The following KCNH8 variants were observed in gnomAD, a reference collection of about 807,000 sequenced individuals.
The protein encoded by KCNH8 is voltage-gated delayed rectifier potassium channel KCNH8.
Under a neutral mutation model 103.6 loss-of-function variants are expected in KCNH8, and 70 were observed. The ratio of observed to expected loss-of-function variants is 0.68; its 90% CI spans 0.56 to 0.82. The LOEUF (loss-of-function observed/expected upper bound fraction) is 0.82, where lower values mean the gene tolerates loss of function less well. KCNH8 is among the 40% of genes least tolerant of loss of function. The pLI is 0.00. For missense variants in KCNH8, 1,217 were observed against 1,329.9 expected (o/e 0.92, Z 1.32); for synonymous variants, 498 against 489.4 (o/e 1.02, Z -0.23).
chr3:19,183,908 G>A (rs2063479347), intron 1 of KCNH8, among the ~76,000 whole-genome samples: 2 of 152,050 alleles, frequency 1.3e-5, no homozygotes. Flanking sequence ...TGGCCAGTGT[G>A]TTTTTAAAAG....
At chr3:19,494,057 T>G (rs2125226569) in intron 11 of KCNH8, among the ~76,000 whole-genome samples, 1 of 152,268 alleles carries the variant, frequency 6.6e-6, no homozygotes, top group Admixed American at 6.5e-5. Context: ...TTGTTTTCAT[T>G]GTTTAGTGCC....
chr3:19,497,050 T>C (rs765943944), intron 11 of KCNH8, among the ~76,000 whole-genome samples: 2 of 152,176 alleles, frequency 1.3e-5, no homozygotes, highest in Non-Finnish European at 2.9e-5. Context: ...GAGGTGTTTG[T>C]AGTAGTCTCT....
chr3:19,465,933 AT>A (rs2067725881), intron 11 of KCNH8, among the ~76,000 whole-genome samples: 2 of 151,932 alleles, frequency 1.3e-5, no homozygotes, highest in Admixed American at 1.3e-4. Flanking sequence ...TCTTTATTTT[AT>A]TTTATTTATT....
intron 9 of KCNH8, chr3:19,450,788 T>C (rs2067436049): frequency 3.6e-6 from 1 of 278,994 alleles, no homozygotes; most frequent in African/African-American, 2.2e-5. Context: ...TAACCAACAT[T>C]TTAGTAGTGA....
At chr3:19,345,175 G>A (rs1010465202) in intron 4 of KCNH8, among the ~76,000 whole-genome samples, 1 of 152,030 alleles carries the variant, frequency 6.6e-6, no homozygotes, top group Non-Finnish European at 1.5e-5. Flanking sequence ...AAATGAGAAT[G>A]ATATGATGCA....
chr3:19,149,352 G>C (rs1284251059), intron 1 of KCNH8, among the ~76,000 whole-genome samples: 1 of 152,036 alleles, frequency 6.6e-6, no homozygotes, highest in African/African-American at 2.4e-5. Context: ...CTAGAATAGC[G>C]TATCTTTTAA....
chr3:19,204,862 A>G (rs1043853182), intron 1 of KCNH8, among the ~76,000 whole-genome samples: 1 of 151,898 alleles, frequency 6.6e-6, no homozygotes, highest in Non-Finnish European at 1.5e-5. Flanking sequence ...TAAATATTGA[A>G]CTCTTCATTC....
chr3:19,426,997 AATATC>A (rs1441390464), intron 7 of KCNH8, among the ~76,000 whole-genome samples: 1 of 152,176 alleles, frequency 6.6e-6, no homozygotes, highest in Non-Finnish European at 1.5e-5. Context: ...CATCTCATAT[AATATC>A]ATAAGTGTCA....
intron 3 of KCNH8, among the ~76,000 whole-genome samples, chr3:19,310,601 A>C (rs1224300784): frequency 6.6e-6 from 1 of 151,918 alleles, no homozygotes; most frequent in Admixed American, 6.6e-5. Context: ...GAGAGCTATC[A>C]GTAAGGTAAG....
Position 19,501,855 on chromosome 3 carries a change from A to G in KCNH8, c.2041-8508A>G, listed in dbSNP as rs569247928. Among the ~76,000 whole-genome samples the G allele has an allele frequency of 5.9e-3, 897 of 152,238 alleles. 8 individuals are homozygous for G. The highest frequency in any genetic ancestry group is 0.02 in the African/African-American group (829 of 41,544). ...GCAAAAACTGGAAGCATTCCCTTTG[A>G]AAACTGGCACAAGACAGGGATGCCC... On this transcript the variant is annotated intron_variant, in intron 11 of 15. Coordinates refer to ENST00000328405, the MANE Select transcript of KCNH8 (RefSeq NM_144633.3).
chr3:19,244,908 C>T (rs541970904), intron 1 of KCNH8, among the ~76,000 whole-genome samples: 1 of 152,010 alleles, frequency 6.6e-6, no homozygotes, highest in Non-Finnish European at 1.5e-5. Flanking sequence ...TTCTTTCATT[C>T]TGCAGGTTGT....
rs890590334 is a variant in KCNH8 at position 19,299,549 on chromosome 3, G to A, written c.442+18220G>A. Among the ~76,000 whole-genome samples, 49 of 152,138 alleles carry A rather than the reference G, an allele frequency of 3.2e-4. 1 individual carries two copies. The highest frequency in any genetic ancestry group is 1.2e-3 in the South Asian group (6 of 4,810). On this transcript the variant is annotated intron_variant, in intron 3 of 15. Coordinates refer to ENST00000328405, the MANE Select transcript of KCNH8 (RefSeq NM_144633.3). ...AAATATAATTTTCATTTCCAAATTAGAGATGATTATTCACATTTTTAAATC... is the reference window on the plus strand; with the variant it reads ...AAATATAATTTTCATTTCCAAATTAAAGATGATTATTCACATTTTTAAATC...
At chr3:19,211,746 G>T (rs75768397) in intron 1 of KCNH8, among the ~76,000 whole-genome samples, 2 of 151,998 alleles carry the variant, frequency 1.3e-5, no homozygotes, top group Non-Finnish European at 2.9e-5. Flanking sequence ...ATCTCAGATC[G>T]CATTTATTTT....
intron 3 of KCNH8, among the ~76,000 whole-genome samples, chr3:19,300,028 C>T (rs1486740427): frequency 1.3e-5 from 2 of 151,992 alleles, no homozygotes; most frequent in Non-Finnish European, 2.9e-5. Flanking sequence ...GCGGGTGGAT[C>T]ACCTGAGGTT....
At chr3:19,420,102 G>A (rs2066928824) in intron 7 of KCNH8, among the ~76,000 whole-genome samples, 1 of 152,100 alleles carries the variant, frequency 6.6e-6, no homozygotes, top group African/African-American at 2.4e-5. Flanking sequence ...CTGTAAAATA[G>A]CAACAGCATT....
At chr3:19,265,734 G>T (rs917656133) in intron 2 of KCNH8, among the ~76,000 whole-genome samples, 2 of 151,996 alleles carry the variant, frequency 1.3e-5, no homozygotes, top group Non-Finnish European at 2.9e-5. Flanking sequence ...TCTTGAGTTG[G>T]ATAGGAATTA....
At chr3:19,451,515 A>G in intron 10 of KCNH8, 111 bp downstream of exon 10, 1 of 939,202 alleles carries the variant, frequency 1.1e-6, no homozygotes, top group Non-Finnish European at 1.6e-6. Context: ...AGATGAAGAC[A>G]TGAACTCAGG....
intron 3 of KCNH8, among the ~76,000 whole-genome samples, chr3:19,303,486 A>G (rs535691809): frequency 1.3e-5 from 2 of 152,308 alleles, no homozygotes; most frequent in South Asian, 4.1e-4. Context: ...AAGTTCAAAA[A>G]TTGGTACCTT....
At chr3:19,454,799 T>G (rs2067505570) in intron 10 of KCNH8, among the ~76,000 whole-genome samples, 1 of 152,192 alleles carries the variant, frequency 6.6e-6, no homozygotes. Context: ...GCTTCTACCA[T>G]GTATACATCA....
Sources: gnomAD v4.1 joint callset for allele counts (sites outside exome capture counted in the v4.1 genomes callset) on GRCh38, gnomAD v4.1.1 for gene constraint, MANE v1.5 for transcripts, NCBI Gene and HGNC (gene_info 2026-07-23, HGNC 2026-07-21) for gene names.